ROBO2: variants seen among roughly 807,000 people sequenced by gnomAD.
The protein encoded by ROBO2 is roundabout guidance receptor 2.
In ROBO2, 53 loss-of-function variants were observed where a neutral mutation model predicts 160.8. The ratio of observed to expected loss-of-function variants is 0.33; its 90% CI spans 0.26 to 0.41. The LOEUF is 0.41. Ranked by LOEUF, ROBO2 falls within the 10% of genes least tolerant of loss-of-function variation. ROBO2 has a pLI of 1.00. For missense variants in ROBO2, 1,577 were observed against 1,722.4 expected (o/e 0.92, Z 1.49); for synonymous variants, 664 against 611.7 (o/e 1.09, Z -1.26).
At chr3:76,008,360 AAAGAAAG>A (rs1365468110) in intron 2 of ROBO2, among the ~76,000 whole-genome samples, 1 of 152,064 alleles carries the variant, frequency 6.6e-6, no homozygotes, top group African/African-American at 2.4e-5. Flanking sequence ...TGTTTTTTTA[AAAGAAAG>A]CACAGTGATC....
At chr3:75,977,017 C>T (rs931776792) in intron 2 of ROBO2, among the ~76,000 whole-genome samples, 1 of 151,600 alleles carries the variant, frequency 6.6e-6, no homozygotes, top group Non-Finnish European at 1.5e-5. Context: ...TCATTTATCC[C>T]TCCCTTCTTT....
chr3:77,106,387 G>C (rs2072801796), intron 2 of ROBO2, among the ~76,000 whole-genome samples: 1 of 150,912 alleles, frequency 6.6e-6, no homozygotes, highest in African/African-American at 2.5e-5. Flanking sequence ...CTGGTGTGTA[G>C]ATGCAAGTTG....
At chr3:76,167,813 G>A (rs2106967243) in intron 2 of ROBO2, among the ~76,000 whole-genome samples, 1 of 152,196 alleles carries the variant, frequency 6.6e-6, no homozygotes, top group African/African-American at 2.4e-5. Flanking sequence ...GTGTTCTAAA[G>A]GAAACAATAG....
At chr3:76,992,439 T>C (rs1197018053) in intron 2 of ROBO2, among the ~76,000 whole-genome samples, 3 of 149,782 alleles carry the variant, frequency 2.0e-5, no homozygotes, top group Non-Finnish European at 4.4e-5. Context: ...CAGTTACACA[T>C]CAGTTACCAT....
At chr3:76,457,027 A>G (rs1341786307) in intron 2 of ROBO2, among the ~76,000 whole-genome samples, 1 of 152,104 alleles carries the variant, frequency 6.6e-6, no homozygotes, top group Non-Finnish European at 1.5e-5. Flanking sequence ...TCAAGATGAG[A>G]TTTGGTGGAG....
At chr3:76,902,769 A>C (rs527752446) in intron 2 of ROBO2, among the ~76,000 whole-genome samples, 1 of 152,008 alleles carries the variant, frequency 6.6e-6, no homozygotes, top group African/African-American at 2.4e-5. Flanking sequence ...ATTTTATAAA[A>C]GTTTATTTGG....
intron 2 of ROBO2, among the ~76,000 whole-genome samples, chr3:77,281,419 C>T (rs553522502): frequency 1.3e-5 from 2 of 152,024 alleles, no homozygotes; most frequent in African/African-American, 4.8e-5. Flanking sequence ...CAGAAAGTTT[C>T]CAGTTAGACA....
chr3:76,258,637 A>G (rs1241806677), intron 2 of ROBO2, among the ~76,000 whole-genome samples: 6 of 151,872 alleles, frequency 4.0e-5, no homozygotes, highest in Non-Finnish European at 8.8e-5. Context: ...TACTCTGTTC[A>G]TTGATCATTT....
intron 1 of ROBO2, among the ~76,000 whole-genome samples, chr3:77,092,920 A>G (rs1187599121): frequency 1.3e-5 from 2 of 151,790 alleles, no homozygotes; most frequent in African/African-American, 2.4e-5. Flanking sequence ...ATAAATTTAA[A>G]TTAAAAATGA....
At chr3:76,250,571 C>A (rs892676337) in intron 2 of ROBO2, among the ~76,000 whole-genome samples, 2 of 152,028 alleles carry the variant, frequency 1.3e-5, no homozygotes, top group Admixed American at 1.3e-4. Flanking sequence ...TGTGCTAGCA[C>A]TGCCTTTCTT....
intron 2 of ROBO2, among the ~76,000 whole-genome samples, chr3:76,673,064 A>T (rs529214262): frequency 1.3e-5 from 2 of 152,206 alleles, no homozygotes; most frequent in East Asian, 3.9e-4. Context: ...AATAGCAGCT[A>T]ATGCTTTCCA....
chr3:77,577,759 G>T, intron 15 of ROBO2, 145 bp downstream of exon 16: 1 of 1,024,666 alleles, frequency 9.8e-7, no homozygotes, highest in Non-Finnish European at 1.5e-6. Context: ...GACAGAGAAT[G>T]AAACAAATGC....
chr3:76,208,615 A>C (rs1301264905), intron 2 of ROBO2, among the ~76,000 whole-genome samples: 2 of 152,116 alleles, frequency 1.3e-5, no homozygotes, highest in African/African-American at 4.8e-5. Flanking sequence ...CTGAGAAAAT[A>C]ATCTGCCACG....
At chr3:75,939,484 A>G (rs1481333700) in intron 2 of ROBO2, among the ~76,000 whole-genome samples, 2 of 152,194 alleles carry the variant, frequency 1.3e-5, no homozygotes, top group African/African-American at 4.8e-5. Flanking sequence ...GTCTAGCTGT[A>G]GTAAAGCTTC....
intron 2 of ROBO2, among the ~76,000 whole-genome samples, chr3:76,831,864 GA>G (rs2067125855): frequency 6.6e-6 from 1 of 152,130 alleles, no homozygotes; most frequent in African/African-American, 2.4e-5. Context: ...GGTCAACTTG[GA>G]ATCAGCTTTG....
rs138482088 is a variant in ROBO2 at position 76,975,560 on chromosome 3, C to T, written c.110-122454C>T. 4.7e-4 allele frequency among the ~76,000 whole-genome samples: 71 copies of T among 152,232 alleles called. No homozygotes were observed. The East Asian group carries it at 0.012, about 26-fold the overall frequency. On this transcript the variant is annotated intron_variant, in intron 2 of 26. Transcript: ENST00000487694. ...GATCCCTTTTTAGCATCTTTGTGTCCGTTTAACATTCCAGAAAATGGCAAC... is the reference window on the plus strand; with the variant it reads ...GATCCCTTTTTAGCATCTTTGTGTCTGTTTAACATTCCAGAAAATGGCAAC...
At chr3:76,152,844 A>G (rs1332355995) in intron 2 of ROBO2, among the ~76,000 whole-genome samples, 1 of 152,154 alleles carries the variant, frequency 6.6e-6, no homozygotes, top group Admixed American at 6.5e-5. Context: ...ATTGCTTTTT[A>G]TTGTTTCCAT....
intron 2 of ROBO2, among the ~76,000 whole-genome samples, chr3:76,768,514 TA>T (rs973819828): frequency 6.6e-6 from 1 of 151,418 alleles, no homozygotes; most frequent in Non-Finnish European, 1.5e-5. Flanking sequence ...CCTGAAATTT[TA>T]GCACGTTTTG....
chr3:76,282,371 A>G (rs1294679217), intron 2 of ROBO2, among the ~76,000 whole-genome samples: 1 of 152,174 alleles, frequency 6.6e-6, no homozygotes, highest in Non-Finnish European at 1.5e-5. Context: ...CTCAAAGTAC[A>G]TAGTTGAGTT....
Sources: allele counts gnomAD v4.1 joint callset (sites outside exome capture counted in the v4.1 genomes callset), GRCh38; gene constraint gnomAD v4.1.1; transcripts MANE v1.5; gene names NCBI Gene and HGNC (gene_info 2026-07-23, HGNC 2026-07-21).